INO80: variants seen among roughly 807,000 people sequenced by gnomAD.
The protein encoded by INO80 is chromatin-remodeling ATPase INO80.
Under a neutral mutation model 203.4 loss-of-function variants are expected in INO80, and 20 were observed. That is an observed-to-expected ratio of 0.10 (90% CI 0.07 to 0.14). The LOEUF (loss-of-function observed/expected upper bound fraction) is 0.14. Ranked by LOEUF, INO80 falls within the 10% of genes least tolerant of loss-of-function variation. The pLI is 1.00. For missense variants in INO80, 1,419 were observed against 1,914.4 expected (o/e 0.74, Z 4.83); for synonymous variants, 726 against 685.2 (o/e 1.06, Z -0.93).
At chr15:41,088,087 C>CTT (rs943111352) in intron 5 of INO80, among the ~76,000 whole-genome samples, 1,313 of 100,960 alleles carry the variant, frequency 0.013, 35 homozygotes, top group African/African-American at 0.027. Flanking sequence ...GCTTGCTTTT[C>CTT]TTTTTTTTTT....
intron 14 of INO80, among the ~76,000 whole-genome samples, chr15:41,061,047 C>T (rs1287304340): frequency 6.6e-6 from 1 of 152,150 alleles, no homozygotes; most frequent in Non-Finnish European, 1.5e-5. Context: ...TGGCTCATGC[C>T]TGTAATCCCA....
chr15:40,989,706 T>C (rs1293412948), intron 29 of INO80, among the ~76,000 whole-genome samples: 3 of 152,192 alleles, frequency 2.0e-5, no homozygotes, highest in Non-Finnish European at 4.4e-5. Context: ...GCCTCCTGAG[T>C]AGCTGAGATC....
intron 4 of INO80, among the ~76,000 whole-genome samples, chr15:41,092,843 G>C (rs1027650304): frequency 1.3e-5 from 2 of 152,104 alleles, no homozygotes; most frequent in African/African-American, 4.8e-5. Context: ...GATTGCTTGA[G>C]GCCGGGAGTT....
chr15:41,027,859 T>C, intron 24 of INO80, 123 bp from the exon 25 acceptor site: 1 of 652,318 alleles, frequency 1.5e-6, no homozygotes, highest in Non-Finnish European at 2.5e-6. Context: ...ATACTATTAA[T>C]TCTAATAAAC....
At chr15:40,983,177 G>C in intron 34 of INO80, 100 bp from the exon 35 acceptor site, 1 of 974,604 alleles carries the variant, frequency 1.0e-6, no homozygotes. Context: ...GAGCTCTTAG[G>C]GCATTTGTTT....
At chr15:40,988,038 C>A in intron 29 of INO80, 64 bp from the exon 30 acceptor site, 38 of 1,426,856 alleles carry the variant, frequency 2.7e-5, no homozygotes, top group Non-Finnish European at 3.5e-5. Context: ...TGAGAGCAAC[C>A]CAGCCAATTG....
At chr15:41,000,713 A>C (rs1596247257) in intron 28 of INO80, among the ~76,000 whole-genome samples, 1 of 149,184 alleles carries the variant, frequency 6.7e-6, no homozygotes, top group Non-Finnish European at 1.5e-5. Flanking sequence ...TCTCAAAAAA[A>C]AAAAAAAAAA....
intron 28 of INO80, among the ~76,000 whole-genome samples, chr15:40,998,945 G>A (rs2043918870): frequency 6.7e-6 from 1 of 150,250 alleles, no homozygotes; most frequent in South Asian, 2.1e-4. Flanking sequence ...GTGAGCCACT[G>A]TGCCCGGCAG....
chr15:40,990,726 A>G (rs1184527350), intron 29 of INO80, among the ~76,000 whole-genome samples: 1 of 152,276 alleles, frequency 6.6e-6, no homozygotes, highest in African/African-American at 2.4e-5. Context: ...CAAAGAGGAC[A>G]TAAGAACTTC....
chr15:40,994,261 T>C (rs2043851314), intron 29 of INO80, among the ~76,000 whole-genome samples: 1 of 152,202 alleles, frequency 6.6e-6, no homozygotes, highest in African/African-American at 2.4e-5. Flanking sequence ...AATGTCACCT[T>C]ATCAGAGATG....
chr15:41,045,085 ACCACAG>A lies in INO80; in HGVS notation c.2736-16_2736-11del. On this transcript the variant is annotated splice_polypyrimidine_tract_variant and intron_variant, in intron 23 of 35. Coordinates refer to ENST00000648947, the MANE Select transcript of INO80 (RefSeq NM_017553.3). ...GAAAAGAGCTAACCATCTGAAACAA[ACCACAG>A]CAGACACGCTTATTCAGTGCTCCAT... 1 of 1,593,536 alleles carries A rather than the reference ACCACAG, an allele frequency of 6.3e-7. No individual in the cohort carries two copies. Among genetic ancestry groups the A allele is most frequent in the Non-Finnish European group, 8.5e-7 (1 of 1,174,240 alleles).
intron 1 of INO80, among the ~76,000 whole-genome samples, chr15:41,101,855 GTAACTC>G (rs1340177174): frequency 3.3e-5 from 5 of 150,478 alleles, no homozygotes; most frequent in Middle Eastern, 6.8e-3. Flanking sequence ...CGGCCTATTT[GTAACTC>G]TTAGTCAAGG....
chr15:41,035,490 C>T (rs1056212135), intron 24 of INO80, among the ~76,000 whole-genome samples: 3 of 151,178 alleles, frequency 2.0e-5, no homozygotes, highest in African/African-American at 7.3e-5. Flanking sequence ...TATACCACTA[C>T]GCTCTTGCCT....
chr15:41,064,922 G>A (rs1428735834), intron 14 of INO80, among the ~76,000 whole-genome samples: 4 of 151,948 alleles, frequency 2.6e-5, no homozygotes, highest in East Asian at 1.9e-4. Context: ...GCTTGAACCC[G>A]GAGGAGGCAG....
At chr15:40,995,426 G>C (rs879812960) in intron 29 of INO80, among the ~76,000 whole-genome samples, 2 of 151,948 alleles carry the variant, frequency 1.3e-5, no homozygotes, top group Non-Finnish European at 1.5e-5. Flanking sequence ...CATTATTTCT[G>C]GAATATAAAA....
chr15:41,081,808 A>G (rs1003533612), intron 7 of INO80, among the ~76,000 whole-genome samples: 1 of 152,188 alleles, frequency 6.6e-6, no homozygotes, highest in African/African-American at 2.4e-5. Flanking sequence ...TCAAAGTGAC[A>G]AAGAAGGTCT....
chr15:41,032,063 G>GC (rs1303342631), intron 24 of INO80, among the ~76,000 whole-genome samples: 4 of 58,960 alleles, frequency 6.8e-5, no homozygotes, highest in African/African-American at 2.3e-4. Flanking sequence ...CACAGCACAG[G>GC]ACAGCACAGG....
At position 41,096,157 on chromosome 15, in the gene INO80, C is replaced by T. The variant is rs368150672; in HGVS notation, c.143+11G>A. The T allele has an allele frequency of 2.4e-5, 39 of 1,593,224 alleles. No individual in the cohort carries two copies. The highest frequency in any genetic ancestry group is 3.7e-5 in the Admixed American group (2 of 53,906). On this transcript the variant is annotated intron_variant, in intron 2 of 35. Coordinates refer to ENST00000648947, the MANE Select transcript of INO80 (RefSeq NM_017553.3). ...TTTGGTAAAACATATTGCAAAGATA[C>T]AATAACATACCTAGAAATATTCCTA...
chr15:41,105,314 G>C (rs772404513), intron 1 of INO80, among the ~76,000 whole-genome samples: 1 of 152,166 alleles, frequency 6.6e-6, no homozygotes, highest in Non-Finnish European at 1.5e-5. Flanking sequence ...AGAATTCCAA[G>C]TGGGGATCCA....
Sources: allele counts gnomAD v4.1 joint callset (sites outside exome capture counted in the v4.1 genomes callset), GRCh38; gene constraint gnomAD v4.1.1; transcripts MANE v1.5; gene names NCBI Gene and HGNC (gene_info 2026-07-23, HGNC 2026-07-21).